PRKN: variants seen among roughly 807,000 people sequenced by gnomAD.
PRKN encodes parkin RBR E3 ubiquitin protein ligase, also known as E3 ubiquitin-protein ligase parkin.
Under a neutral mutation model 59.5 loss-of-function variants are expected in PRKN, and 56 were observed. That is an observed-to-expected ratio of 0.94 (90% CI 0.76 to 1.18). The LOEUF is 1.18. Among genes scored for constraint, PRKN ranks in the 50% most tolerant of loss-of-function variants. The pLI, the probability that PRKN is intolerant of heterozygous loss-of-function variation, is 0.00. For synonymous variants in PRKN, 250 were observed against 222.1 expected (o/e 1.13, Z -1.12); for missense variants, 657 against 596.4 (o/e 1.10, Z -1.06).
intron 1 of PRKN, among the ~76,000 whole-genome samples, chr6:162,661,049 G>A (rs2128228224): frequency 6.6e-6 from 1 of 152,186 alleles, no homozygotes; most frequent in Admixed American, 6.5e-5. Flanking sequence ...ATCACCTGAG[G>A]TCAGGAGTTC....
chr6:162,327,631 T>C (rs1444114730), intron 2 of PRKN, among the ~76,000 whole-genome samples: 1 of 129,176 alleles, frequency 7.7e-6, no homozygotes, highest in Non-Finnish European at 1.8e-5. Context: ...TCCTTGACAA[T>C]GGTCTTCTCT....
At chr6:162,124,737 A>T (rs1220859911) in intron 4 of PRKN, among the ~76,000 whole-genome samples, 1 of 152,206 alleles carries the variant, frequency 6.6e-6, no homozygotes, top group Non-Finnish European at 1.5e-5. Context: ...GAATCTGCAG[A>T]TAAGTCTATT....
At chr6:162,212,171 T>C (rs551562533) in intron 3 of PRKN, among the ~76,000 whole-genome samples, 1 of 152,238 alleles carries the variant, frequency 6.6e-6, no homozygotes, top group African/African-American at 2.4e-5. Flanking sequence ...GCCTCTCTCC[T>C]ACCCTAAACA....
In PRKN at chr6:162,565,645, G is replaced by C. The variant is rs184663052; in HGVS notation, c.8-122172C>G. ...GCAGAGGTTGCAGTGAGCTGAGATC[G>C]TGCCATTGCACTCCAGCCTGGGTGA... is the stretch of plus-strand genomic sequence containing the variant. On this transcript the variant is annotated intron_variant, in intron 1 of 11. Transcript: ENST00000366898. Among the ~76,000 whole-genome samples the C allele has an allele frequency of 9.6e-4, 146 of 152,232 alleles. 1 individual carries two copies. Among genetic ancestry groups the C allele is most frequent in the Middle Eastern group, 3.4e-3 (1 of 294 alleles).
At chr6:161,976,547 T>C (rs1180966936) in intron 5 of PRKN, among the ~76,000 whole-genome samples, 1 of 152,224 alleles carries the variant, frequency 6.6e-6, no homozygotes, top group Non-Finnish European at 1.5e-5. Context: ...TTCCTGAACA[T>C]AGGATCCCAT....
intron 4 of PRKN, among the ~76,000 whole-genome samples, chr6:162,081,642 T>G (rs1297152839): frequency 1.3e-5 from 2 of 152,112 alleles, no homozygotes; most frequent in East Asian, 3.8e-4. Context: ...TAGCATAATC[T>G]TAAGGGACCT....
intron 1 of PRKN, among the ~76,000 whole-genome samples, chr6:162,648,218 C>T (rs1361543482): frequency 1.3e-5 from 2 of 152,026 alleles, no homozygotes; most frequent in Admixed American, 6.6e-5. Context: ...CTTCAAAATG[C>T]TCTGCCTAAA....
At chr6:161,738,687 C>T (rs922438762) in intron 7 of PRKN, among the ~76,000 whole-genome samples, 2 of 152,130 alleles carry the variant, frequency 1.3e-5, no homozygotes, top group African/African-American at 4.8e-5. Context: ...CTCCCCGAAA[C>T]CCTGGGTGCA....
chr6:162,259,129 T>C (rs1354757741), intron 3 of PRKN, among the ~76,000 whole-genome samples: 2 of 152,242 alleles, frequency 1.3e-5, no homozygotes, highest in African/African-American at 4.8e-5. Flanking sequence ...TTTTCAAACA[T>C]TGTATAACCA....
At chr6:161,742,673 GA>G (rs975669042) in intron 7 of PRKN, among the ~76,000 whole-genome samples, 6 of 152,138 alleles carry the variant, frequency 3.9e-5, no homozygotes, top group Non-Finnish European at 5.9e-5. Flanking sequence ...TCACTTTTTT[GA>G]AGAGAAAACA....
chr6:162,549,573 T>C (rs982529319), intron 1 of PRKN, among the ~76,000 whole-genome samples: 6 of 152,008 alleles, frequency 3.9e-5, no homozygotes, highest in African/African-American at 1.2e-4. Context: ...AGCCCTACCA[T>C]TGAGTAGATA....
chr6:162,155,803 A>G (rs901669871), intron 4 of PRKN, among the ~76,000 whole-genome samples: 9 of 2,546 alleles, frequency 3.5e-3, no homozygotes, highest in Non-Finnish European at 0.042. Context: ...TCAGTTAAGA[A>G]AAAAAAAAAA....
chr6:162,120,573 G>C (rs1009126489), intron 4 of PRKN, among the ~76,000 whole-genome samples: 6 of 152,198 alleles, frequency 3.9e-5, no homozygotes, highest in Admixed American at 1.3e-4. Flanking sequence ...GGTGATAAAT[G>C]GATGAGGCCC....
At chr6:162,493,132 C>T (rs531308034) in intron 1 of PRKN, among the ~76,000 whole-genome samples, 51 of 152,186 alleles carry the variant, frequency 3.4e-4, no homozygotes, top group African/African-American at 1.2e-3. Context: ...GTTCGGCCAG[C>T]AGGATAAAAA....
At chr6:162,467,392 A>T (rs936870946) in intron 1 of PRKN, among the ~76,000 whole-genome samples, 1 of 152,082 alleles carries the variant, frequency 6.6e-6, no homozygotes, top group African/African-American at 2.4e-5. Flanking sequence ...AAATTACTTA[A>T]CATCAGTGAC....
At chr6:161,519,661 G>A (rs529188223) in intron 9 of PRKN, among the ~76,000 whole-genome samples, 8 of 152,150 alleles carry the variant, frequency 5.3e-5, no homozygotes, top group South Asian at 4.1e-4. Flanking sequence ...TATCTGTTAC[G>A]TATTTCTTTA....
intron 5 of PRKN, among the ~76,000 whole-genome samples, chr6:162,001,732 C>A (rs1208550815): frequency 1.3e-5 from 2 of 151,754 alleles, no homozygotes; most frequent in African/African-American, 4.8e-5. Flanking sequence ...TGTTCTTGAT[C>A]TTAATGGCAA....
At chr6:161,370,591 CAA>C (rs560655971) in intron 10 of PRKN, among the ~76,000 whole-genome samples, 9 of 57,820 alleles carry the variant, frequency 1.6e-4, no homozygotes, top group Admixed American at 2.2e-4. Context: ...GACTCTGTGT[CAA>C]AAAAAAAAAA....
chr6:161,964,652 T>C (rs1455009984), intron 6 of PRKN, among the ~76,000 whole-genome samples: 3 of 152,070 alleles, frequency 2.0e-5, no homozygotes, highest in Non-Finnish European at 4.4e-5. Flanking sequence ...TAGCTCTGTG[T>C]GCACAAACAC....
Sources: gnomAD v4.1 joint callset for allele counts (sites outside exome capture counted in the v4.1 genomes callset) on GRCh38, gnomAD v4.1.1 for gene constraint, MANE v1.5 for transcripts, NCBI Gene and HGNC (gene_info 2026-07-23, HGNC 2026-07-21) for gene names.